Variants in NOC3L observed in about 807,000 individuals in gnomAD.
The protein encoded by NOC3L is NOC3 like DNA replication regulator, also known as nucleolar complex protein 3 homolog.
In NOC3L, 85 loss-of-function variants were observed where a neutral mutation model predicts 102.5. That is an observed-to-expected ratio of 0.83 (90% CI 0.70 to 0.99). The LOEUF (loss-of-function observed/expected upper bound fraction) is 0.99. Ranked by LOEUF, NOC3L falls within the 50% of genes least tolerant of loss-of-function variation. The probability of loss-of-function intolerance (pLI) is 0.00; values close to 1 mark genes in which losing one functional copy is unlikely to be tolerated. For synonymous variants in NOC3L, 303 were observed against 309.4 expected (o/e 0.98, Z 0.22); for missense variants, 878 against 914.9 (o/e 0.96, Z 0.52).
the NOC3L span, among the ~76,000 whole-genome samples, chr10:94,327,198 G>T: frequency 6.6e-6 from 1 of 152,172 alleles, no homozygotes. Context: ...ATAGTCATTG[G>T]TGCATCTATG....
chr10:94,315,201 G>A, the NOC3L span: 1 of 333,616 alleles, frequency 3.0e-6, no homozygotes, highest in Non-Finnish European at 5.9e-6. Flanking sequence ...CAAGGGCTGG[G>A]GTGGAGAGAT....
At chr10:94,318,682 G>A in the NOC3L span, among the ~76,000 whole-genome samples, 1 of 152,194 alleles carries the variant, frequency 6.6e-6, no homozygotes, top group Non-Finnish European at 1.5e-5. Flanking sequence ...AGGGAAGACA[G>A]GCTGGCTGCT....
chr10:94,324,229 C>T, the NOC3L span: 1 of 811,298 alleles, frequency 1.2e-6, no homozygotes, highest in African/African-American at 1.7e-5. Context: ...ATGAAATGAT[C>T]TGGAAGATCC....
At chr10:94,321,132 C>T in the NOC3L span, among the ~76,000 whole-genome samples, 1 of 152,170 alleles carries the variant, frequency 6.6e-6, no homozygotes, top group Non-Finnish European at 1.5e-5. Context: ...ATTCATTCAG[C>T]CTTGTCACTG....
the NOC3L span, among the ~76,000 whole-genome samples, chr10:94,327,172 T>C: frequency 6.6e-6 from 1 of 152,108 alleles, no homozygotes; most frequent in African/African-American, 2.4e-5. Flanking sequence ...AAACAAAAGC[T>C]AGGGAGGCTT....
chr10:94,333,096 G>A (rs1564906452), downstream of NOC3L: 5 of 152,154 alleles, frequency 3.3e-5, no homozygotes, highest in African/African-American at 7.2e-5. Flanking sequence ...TTCTACTTTC[G>A]TTTACTTCAT....
rs2054326240 is a variant in NOC3L, at chr10:94,344,924, C to T, written c.1399G>A (p.Ala467Thr). The change falls in exon 12 of 21, where the codon GCA becomes ACA. Residue 467 changes from alanine to threonine, a missense_variant. Physicochemically the swap from Ala to Thr is moderately conservative, Grantham distance 58 (BLOSUM62 0). Coordinates refer to ENST00000371361, the MANE Select transcript of NOC3L (RefSeq NM_022451.11). ...AGCTCTCGCTCTAGTTTCTCTTCTG[C>T]TTTCTTCCACTGAAAATAGATTGAA... ...LSRMQRKWKK[A>T]EEKLERELRE... The T allele has an allele frequency of 1.9e-6, 3 of 1,608,638 alleles. No individual in the cohort carries two copies. Among genetic ancestry groups the T allele is most frequent in the Non-Finnish European group, 2.5e-6 (3 of 1,178,786 alleles).
At chr10:94,340,149 T>C (rs1163721922) in intron 16 of NOC3L, 127 bp downstream of exon 16, 9 of 819,804 alleles carry the variant, frequency 1.1e-5, no homozygotes, top group East Asian at 2.7e-5. Context: ...TAAATACAGA[T>C]GCATGGCACT....
chr10:94,328,451 C>T (rs1589558332), downstream of NOC3L: 1 of 152,338 alleles, frequency 6.6e-6, no homozygotes, highest in Admixed American at 6.5e-5. Flanking sequence ...TTTTTTTCAA[C>T]CATTTAAAAA....
At chr10:94,346,802 CT>C (rs2054349467) in intron 10 of NOC3L, among the ~76,000 whole-genome samples, 1 of 152,088 alleles carries the variant, frequency 6.6e-6, no homozygotes, top group African/African-American at 2.4e-5. Flanking sequence ...ACAAAACTTT[CT>C]TTGCAGTTTA....
intron 2 of NOC3L, among the ~76,000 whole-genome samples, chr10:94,358,837 C>T (rs2054518365): frequency 6.6e-6 from 1 of 152,152 alleles, no homozygotes; most frequent in Non-Finnish European, 1.5e-5. Context: ...CACTCCCTCA[C>T]TTAGACTGCA....
At chr10:94,315,470 C>A in the NOC3L span, 5 of 456,004 alleles carry the variant, frequency 1.1e-5, no homozygotes, top group South Asian at 7.7e-5. Context: ...GTAACCTGTA[C>A]AATATGAGTG....
At chr10:94,357,449 G>A (rs1314024659) in intron 3 of NOC3L, 118 bp from the exon 4 acceptor site, 6 of 721,126 alleles carry the variant, frequency 8.3e-6, no homozygotes, top group Non-Finnish European at 4.0e-6. Flanking sequence ...TATATGGATA[G>A]TAGCACTTAG....
the NOC3L span, chr10:94,324,615 A>AT: frequency 0.23 from 327,744 of 1,395,928 alleles, 40,712 homozygotes; most frequent in Middle Eastern, 0.38. Context: ...TCTGATACCC[A>AT]TAATTACACT....
chr10:94,361,841 C>G lies in NOC3L; in HGVS notation c.41G>C (p.Arg14Pro), dbSNP rs781574865. 1.9e-6 allele frequency: 3 copies of G among 1,612,776 alleles called. No homozygotes were observed. Among genetic ancestry groups the G allele is most frequent in the East Asian group, 2.2e-5 (1 of 44,860 alleles). The change falls in exon 2 of 21, where the codon CGC becomes CCC. Residue 14 changes from arginine (R) to proline (P), a missense_variant. By Grantham distance (103) the Arg-to-Pro change is moderately radical. Coordinates refer to ENST00000371361, the MANE Select transcript of NOC3L (RefSeq NM_022451.11). ...GACTTTACTAGTTTTTATTAACTTG[C>G]GAAAGCTTGGGATCTGTTTTTTATT... ...RRNKKQIPSF[R>P]KLIKTSKVKL... is the part of the protein sequence containing the mutation.
At position 94,339,860 on chromosome 10, in the gene NOC3L, C is replaced by T. The variant is rs149958947; in HGVS notation, c.1841G>A (p.Arg614His). ...LQCLDVMLTK[R>H]RKQVSQQRAL... is the part of the protein sequence containing the mutation. ...TCGCTGCTGAGAAACTTGCTTTCTG[C>T]GCTTAGTTAGCATGACATCAAGGCA... The change falls in exon 17 of 21, where the codon CGC becomes CAC. Residue 614 changes from arginine to histidine, a missense_variant. Transcript: ENST00000371361. 30 of 1,614,126 alleles carry T rather than the reference C, an allele frequency of 1.9e-5. No homozygotes were observed. The highest frequency in any genetic ancestry group is 9.3e-5 in the African/African-American group (7 of 75,030).
chr10:94,356,221 A>C (rs1274187323), intron 5 of NOC3L, among the ~76,000 whole-genome samples: 1 of 152,182 alleles, frequency 6.6e-6, no homozygotes, highest in Non-Finnish European at 1.5e-5. Flanking sequence ...CTAAAAAGTT[A>C]ACAGTTATTT....
rs1293526953 is a variant in NOC3L, at chr10:94,356,486, T to C, written c.565+49A>G. The C allele has an allele frequency of 5.3e-6, 6 of 1,137,630 alleles. No individual in the cohort carries two copies. In the East Asian group the frequency reaches 7.1e-5, roughly 13 times the overall value. The allele number at this position is 1,137,630 out of a possible 1,614,324, so 70.5% of individuals were successfully genotyped here. The stretch of plus-strand genomic sequence containing the variant: ...TAAAATTAACTCACATTTACTATTA[T>C]GCAAAAAAATTCTCAATTAACAATT... On this transcript the variant is annotated intron_variant, in intron 5 of 20. Coordinates refer to ENST00000371361, the MANE Select transcript of NOC3L (RefSeq NM_022451.11).
the NOC3L span, chr10:94,316,668 G>A: frequency 2.5e-6 from 4 of 1,613,674 alleles, no homozygotes; most frequent in South Asian, 4.4e-5. Flanking sequence ...AGAGCCATTG[G>A]TCCAGAAGAG....
Sources: gnomAD v4.1 joint callset for allele counts (sites outside exome capture counted in the v4.1 genomes callset) on GRCh38, gnomAD v4.1.1 for gene constraint, MANE v1.5 for transcripts, NCBI Gene and HGNC (gene_info 2026-07-23, HGNC 2026-07-21) for gene names.